Variants in LPP observed in about 807,000 individuals in gnomAD.
LPP encodes the protein lipoma-preferred partner.
Under a neutral mutation model 60.4 loss-of-function variants are expected in LPP, and 38 were observed. The ratio of observed to expected loss-of-function variants is 0.63; its 90% CI spans 0.49 to 0.83. The LOEUF (loss-of-function observed/expected upper bound fraction) is 0.83, where lower values mean the gene tolerates loss of function less well. Ranked by LOEUF, LPP falls within the 40% of genes least tolerant of loss-of-function variation. The pLI, the probability that LPP is intolerant of heterozygous loss-of-function variation, is 0.00. For synonymous variants in LPP, 328 were observed against 290.8 expected (o/e 1.13, Z -1.30); for missense variants, 902 against 783.6 (o/e 1.15, Z -1.80).
At chr3:188,865,370 C>T (rs1766321836) in intron 9 of LPP, among the ~76,000 whole-genome samples, 1 of 152,192 alleles carries the variant, frequency 6.6e-6, no homozygotes, top group African/African-American at 2.4e-5. Flanking sequence ...ACATTTCTGT[C>T]AAGAGTTTGC....
At chr3:188,603,464 C>T (rs1030581614) in intron 6 of LPP, among the ~76,000 whole-genome samples, 1 of 151,890 alleles carries the variant, frequency 6.6e-6, no homozygotes, top group South Asian at 2.1e-4. Flanking sequence ...CTTGAACCTT[C>T]GATCTGCCAC....
At chr3:188,282,077 A>C (rs1268186673) in intron 2 of LPP, among the ~76,000 whole-genome samples, 2 of 147,570 alleles carry the variant, frequency 1.4e-5, no homozygotes, top group Non-Finnish European at 3.0e-5. Context: ...CCCTTCCCTT[A>C]TATTCTGTTT....
At chr3:188,795,512 G>A (rs1745063462) in intron 9 of LPP, among the ~76,000 whole-genome samples, 1 of 152,260 alleles carries the variant, frequency 6.6e-6, no homozygotes, top group South Asian at 2.1e-4. Flanking sequence ...GTGGTGGGAT[G>A]GTTACAGTTT....
chr3:188,609,753 A>G lies in LPP; in HGVS notation c.1022A>G (p.Asn341Ser), dbSNP rs536463697. Residue 341 changes from asparagine to serine, a missense_variant, in exon 7 of 12, where the codon AAC becomes AGC. Coordinates refer to ENST00000617246, the MANE Select transcript of LPP (RefSeq NM_001375462.1). The surrounding 1 kb of genome is among the most constrained non-coding windows in gnomAD (Gnocchi z 6.9). ...ACTCCTCCTGGAGCAGGGAACCAGA[A>G]CCCTCCTGGGATGTATCCAGTCACT... ...GYTPPGAGNQNPPGMYPVTGP... is the reference protein window; with the variant it reads ...GYTPPGAGNQSPPGMYPVTGP... The G allele has an allele frequency of 6.2e-6, 10 of 1,613,972 alleles. No individual in the cohort carries two copies. Among genetic ancestry groups the G allele is most frequent in the African/African-American group, 2.7e-5 (2 of 74,996 alleles).
At chr3:188,346,251 CTTTTTTTTTTTTT>C (rs1050679907) in intron 3 of LPP, among the ~76,000 whole-genome samples, 3 of 88,344 alleles carry the variant, frequency 3.4e-5, no homozygotes, top group South Asian at 4.3e-4. Flanking sequence ...AGTAGCAAAT[CTTTTTTTTTTTTT>C]TTTTTTTTTT....
intron 7 of LPP, among the ~76,000 whole-genome samples, chr3:188,641,532 C>T (rs1265882777): frequency 1.3e-5 from 2 of 152,008 alleles, no homozygotes; most frequent in Admixed American, 1.3e-4. Context: ...CTCCTAATAC[C>T]AAAGGAAAAA....
intron 3 of LPP, among the ~76,000 whole-genome samples, chr3:188,354,057 C>T (rs1299589483): frequency 6.6e-6 from 1 of 151,626 alleles, no homozygotes; most frequent in East Asian, 1.9e-4. Flanking sequence ...TGTAGGTTTT[C>T]TCAATATTTG....
intron 9 of LPP, among the ~76,000 whole-genome samples, chr3:188,811,536 A>G (rs1750987594): frequency 6.6e-6 from 1 of 152,140 alleles, no homozygotes. Context: ...TCATTATGTT[A>G]GGAAAGAAAC....
At chr3:188,630,769 C>T (rs986039786) in intron 7 of LPP, among the ~76,000 whole-genome samples, 1 of 152,096 alleles carries the variant, frequency 6.6e-6, no homozygotes, top group African/African-American at 2.4e-5. Context: ...GACCTGGGAT[C>T]AACCTAAATG....
chr3:188,170,329 CTTTTT>C (rs34760455), intron 1 of LPP, among the ~76,000 whole-genome samples: 1 of 96,436 alleles, frequency 1.0e-5, no homozygotes, highest in African/African-American at 4.1e-5. Flanking sequence ...CTTTTCTTTT[CTTTTT>C]TTTTTTTTTT....
At chr3:188,854,154 A>G (rs1454346524) in intron 9 of LPP, among the ~76,000 whole-genome samples, 1 of 152,208 alleles carries the variant, frequency 6.6e-6, no homozygotes, top group Non-Finnish European at 1.5e-5. Context: ...GCAAGGAGAA[A>G]ACATCTGTAT....
chr3:188,632,981 A>C (rs1368684795), intron 7 of LPP, among the ~76,000 whole-genome samples: 1 of 152,208 alleles, frequency 6.6e-6, no homozygotes, highest in Non-Finnish European at 1.5e-5. Flanking sequence ...CAGAGGGAGA[A>C]AAGTCTAACA....
At chr3:188,261,688 G>T (rs570736474) in intron 2 of LPP, among the ~76,000 whole-genome samples, 1 of 151,888 alleles carries the variant, frequency 6.6e-6, no homozygotes, top group South Asian at 2.1e-4. Context: ...TAGGAGAATT[G>T]CTTGAGGTCA....
In LPP at chr3:188,609,600, C is replaced by G. The variant is rs75280063; in HGVS notation, c.869C>G (p.Ala290Gly). Residue 290 changes from alanine to glycine, a missense_variant, in exon 7 of 12, where the codon GCC (alanine) becomes GGC (glycine). Physicochemically the swap from Ala to Gly is moderately conservative, Grantham distance 60. Coordinates refer to ENST00000617246, the MANE Select transcript of LPP (RefSeq NM_001375462.1). The surrounding 1 kb of genome is among the most constrained non-coding windows in gnomAD (Gnocchi z 6.9). ...GLQPEPGYGY[A>G]PNQGRYYEGY... The stretch of plus-strand genomic sequence containing the variant: ...CAGCCGGAGCCTGGGTATGGGTATG[C>G]CCCCAACCAGGGACGCTATTATGAA... 1,423 of 1,614,148 alleles carry G rather than the reference C, an allele frequency of 8.8e-4. 12 individuals carry two copies. In the African/African-American group the frequency reaches 0.015, roughly 17 times the overall value.
intron 2 of LPP, among the ~76,000 whole-genome samples, chr3:188,337,508 C>T (rs1467751878): frequency 6.6e-6 from 1 of 152,152 alleles, no homozygotes; most frequent in African/African-American, 2.4e-5. Flanking sequence ...CAGCAGATCC[C>T]AAGTGGGTGA....
intron 9 of LPP, among the ~76,000 whole-genome samples, chr3:188,804,261 A>ATATATG (rs1748330792): frequency 8.6e-6 from 1 of 115,882 alleles, no homozygotes; most frequent in East Asian, 3.2e-4. Context: ...ATATATATAT[A>ATATATG]TATATATATA....
At chr3:188,246,846 A>T (rs1727137847) in intron 2 of LPP, among the ~76,000 whole-genome samples, 1 of 152,228 alleles carries the variant, frequency 6.6e-6, no homozygotes, top group South Asian at 2.1e-4. Flanking sequence ...TAATCAATTA[A>T]GTAACTTAAT....
chr3:188,425,612 G>GCATC (rs1366436647), intron 4 of LPP, among the ~76,000 whole-genome samples: 3 of 152,050 alleles, frequency 2.0e-5, no homozygotes, highest in Admixed American at 6.5e-5. Context: ...ATTAATTACT[G>GCATC]CATCAATTTC....
intron 4 of LPP, among the ~76,000 whole-genome samples, chr3:188,448,861 T>C (rs916385312): frequency 4.6e-5 from 7 of 152,216 alleles, no homozygotes; most frequent in African/African-American, 1.7e-4. Context: ...ACCTTGGAAT[T>C]TACCTGGTTT....
Sources: allele counts gnomAD v4.1 joint callset (sites outside exome capture counted in the v4.1 genomes callset), GRCh38; gene constraint gnomAD v4.1.1; non-coding constraint Gnocchi (gnomAD v3.1); transcripts MANE v1.5; gene names NCBI Gene and HGNC (gene_info 2026-07-23, HGNC 2026-07-21).